The following TBC1D1 variants were observed in gnomAD, a reference collection of about 807,000 sequenced individuals.
TBC1D1 encodes TBC1 domain family member 1, also known as TBC1 (tre-2/USP6, BUB2, cdc16) domain family, member 1.
Under a neutral mutation model 125.6 loss-of-function variants are expected in TBC1D1, and 89 were observed. The observed-to-expected ratio is 0.71, with a 90% CI of 0.60 to 0.85. The LOEUF (loss-of-function observed/expected upper bound fraction) is 0.85. Among genes scored for constraint, TBC1D1 ranks in the 40% least tolerant of loss-of-function variants. The pLI is 0.00. For missense variants in TBC1D1, 1,377 were observed against 1,469.2 expected (o/e 0.94, Z 1.03); for synonymous variants, 565 against 564.1 (o/e 1.00, Z -0.02).
At position 38,006,680 on chromosome 4, in the gene TBC1D1, C is replaced by T. The variant is rs191577829; in HGVS notation, c.418-7829C>T. On this transcript the variant is annotated intron_variant, in intron 2 of 19. Coordinates refer to ENST00000261439, the MANE Select transcript of TBC1D1 (RefSeq NM_015173.4). ...ATTTTTAGTAGAGATGGGGTTTCAC[C>T]ATGTTAGCCAGGATGGGCTCAATCT... 679 of 269,552 alleles carry T rather than the reference C, an allele frequency of 2.5e-3. 6 individuals are homozygous for T. Among genetic ancestry groups the T allele is most frequent in the African/African-American group, 0.012 (524 of 43,540 alleles). 16.7% of individuals were successfully genotyped at this position (269,552 alleles called of 1,614,324 possible).
Position 38,118,465 on chromosome 4 carries a change from A to G in TBC1D1, c.2962+273A>G, listed in dbSNP as rs1365449870. On this transcript the variant is annotated intron_variant, in intron 17 of 19. Coordinates refer to ENST00000261439, the MANE Select transcript of TBC1D1 (RefSeq NM_015173.4). ...GATCGCTCACCATGAGGGTCTCCCT[A>G]GAGCAGACATTTGGAGGACTTGGCT... The G allele has an allele frequency of 1.9e-5, 7 of 372,206 alleles. No homozygotes were observed. The East Asian group carries it at 3.5e-4, about 18-fold the overall frequency. 23.1% of individuals were successfully genotyped at this position (372,206 alleles called of 1,614,324 possible).
At chr4:37,914,568 C>T (rs1037292302) in intron 2 of TBC1D1, among the ~76,000 whole-genome samples, 2 of 152,180 alleles carry the variant, frequency 1.3e-5, no homozygotes, top group Non-Finnish European at 2.9e-5. Context: ...TGTTTCTGTT[C>T]CTGCTTATTC....
At chr4:38,111,519 A>G (rs747474467) in intron 15 of TBC1D1, among the ~76,000 whole-genome samples, 6 of 152,278 alleles carry the variant, frequency 3.9e-5, no homozygotes, top group Non-Finnish European at 8.8e-5. Flanking sequence ...TTTCCAAAAT[A>G]AAATTAGTTA....
chr4:38,098,462 G>A (rs931787326), intron 14 of TBC1D1, among the ~76,000 whole-genome samples: 2 of 152,182 alleles, frequency 1.3e-5, no homozygotes, highest in Non-Finnish European at 2.9e-5. Context: ...TTTTGTGGGG[G>A]CTAATAGAAA....
At chr4:37,960,870 C>G in intron 2 of TBC1D1, 2 of 1,614,174 alleles carry the variant, frequency 1.2e-6, no homozygotes, top group Non-Finnish European at 1.7e-6. Context: ...TGGAGTGCCT[C>G]TCATGATCCT....
chr4:37,971,810 C>T (rs1490439692), intron 2 of TBC1D1, among the ~76,000 whole-genome samples: 1 of 152,188 alleles, frequency 6.6e-6, no homozygotes, highest in African/African-American at 2.4e-5. Flanking sequence ...TATGGGTCAA[C>T]ACCAATAATG....
At position 37,902,389 on chromosome 4, in the gene TBC1D1, T is replaced by G; in HGVS notation, c.294T>G (p.Pro98=). ...ATTCCAGCATCTTTGAGTGCAAGCC[T>G]CAGCGTGTTCACAAACTGATTCACA... Residue 98 remains proline, a synonymous_variant, in exon 2 of 20, where the codon CCT becomes CCG. Coordinates refer to ENST00000261439, the MANE Select transcript of TBC1D1 (RefSeq NM_015173.4). The G allele has an allele frequency of 6.2e-7, 1 of 1,614,200 alleles. No individual in the cohort carries two copies. Among genetic ancestry groups the G allele is most frequent in the Non-Finnish European group, 8.5e-7 (1 of 1,180,028 alleles).
At chr4:37,929,281 G>A (rs1164118690) in intron 2 of TBC1D1, among the ~76,000 whole-genome samples, 5 of 152,172 alleles carry the variant, frequency 3.3e-5, no homozygotes, top group Non-Finnish European at 4.4e-5. Context: ...TATAAGATAT[G>A]ACAATGTACT....
At chr4:38,031,941 A>G (rs1746230651) in intron 7 of TBC1D1, among the ~76,000 whole-genome samples, 1 of 152,272 alleles carries the variant, frequency 6.6e-6, no homozygotes, top group African/African-American at 2.4e-5. Context: ...ATGCATATAG[A>G]AAAGCAAACA....
At chr4:37,940,860 C>T (rs548140307) in intron 2 of TBC1D1, among the ~76,000 whole-genome samples, 1 of 152,262 alleles carries the variant, frequency 6.6e-6, no homozygotes, top group East Asian at 1.9e-4. Context: ...AGCCTTGAAT[C>T]CCAGGGATGA....
At chr4:38,099,626 G>A (rs946372573) in intron 14 of TBC1D1, among the ~76,000 whole-genome samples, 2 of 152,170 alleles carry the variant, frequency 1.3e-5, no homozygotes, top group Non-Finnish European at 2.9e-5. Context: ...AACAGTGAGT[G>A]TATATTATTT....
At chr4:38,099,344 C>T (rs1368563620) in intron 14 of TBC1D1, among the ~76,000 whole-genome samples, 1 of 152,254 alleles carries the variant, frequency 6.6e-6, no homozygotes, top group East Asian at 1.9e-4. Flanking sequence ...AGCATGGTCT[C>T]CTGTACTGTT....
chr4:38,132,189 T>G (rs1765697248), intron 18 of TBC1D1, among the ~76,000 whole-genome samples: 2 of 152,126 alleles, frequency 1.3e-5, no homozygotes, highest in South Asian at 4.1e-4. Context: ...AGCAGGGTTT[T>G]TTTTTTTTTT....
intron 8 of TBC1D1, among the ~76,000 whole-genome samples, chr4:38,040,517 G>T (rs1390430164): frequency 2.6e-5 from 4 of 152,154 alleles, no homozygotes. Context: ...TCCGTCTCTT[G>T]TCCTCGTGAT....
rs543543074 is a variant in TBC1D1 at position 37,983,101 on chromosome 4, A to C, written c.418-31408A>C. Among the ~76,000 whole-genome samples the C allele has an allele frequency of 1.4e-4, 21 of 150,638 alleles. No homozygotes were observed. The South Asian group carries it at 4.2e-3, about 30-fold the overall frequency. ...GCAGTGAAGACCCATTAGGGGCCAA[A>C]GATGATCTTTCCCCAAACTCTTTTT... On this transcript the variant is annotated intron_variant, in intron 2 of 19. Coordinates refer to ENST00000261439, the MANE Select transcript of TBC1D1 (RefSeq NM_015173.4).
chr4:38,052,728 G>GCACACACACACACA (rs56153191), intron 11 of TBC1D1, among the ~76,000 whole-genome samples: 2,207 of 118,192 alleles, frequency 0.019, 23 homozygotes, highest in Middle Eastern at 0.037. Flanking sequence ...GCGCGCGCGC[G>GCACACACACACACA]CACACACACA....
rs551312520 is a variant in TBC1D1 at position 38,138,783 on chromosome 4, C to A, written c.*1448C>A. ...GAGTTTCTTTTGATTCTCTCAGTTG[C>A]GGGGGGCATCTCTTAATCCTGGGGT... On this transcript the variant is annotated 3_prime_UTR_variant, in exon 20 of 20. Transcript: ENST00000261439. 1 of 152,130 alleles carries A rather than the reference C, an allele frequency of 6.6e-6. No homozygotes were observed. 9.4% of individuals were successfully genotyped at this position (152,130 alleles called of 1,614,324 possible).
intron 10 of TBC1D1, among the ~76,000 whole-genome samples, chr4:38,048,231 C>A (rs10014216): frequency 0.066 from 10,099 of 152,096 alleles, 1,130 homozygotes; most frequent in African/African-American, 0.23. Context: ...ACCAAATAGC[C>A]CTGAAACTTG....
In TBC1D1 at chr4:38,014,776, C is replaced by G; in HGVS notation, c.685C>G (p.Arg229Gly). ...GCCCACAGGGAGCCAGGAGCCTGTG[C>G]GCAGGCCCATGCGCAAGTCCTTCTC... The change falls in exon 3 of 20, where the codon CGC (arginine) becomes GGC (glycine). Residue 229 changes from arginine to glycine, a missense_variant. Coordinates refer to ENST00000261439, the MANE Select transcript of TBC1D1 (RefSeq NM_015173.4). The surrounding 1 kb of genome is among the most constrained non-coding windows in gnomAD (Gnocchi z 5.1). 1 of 1,365,988 alleles carries G rather than the reference C, an allele frequency of 7.3e-7. No homozygotes were observed. Among genetic ancestry groups the G allele is most frequent in the Non-Finnish European group, 9.8e-7 (1 of 1,022,794 alleles). The allele number at this position is 1,365,988 out of a possible 1,614,324, so 84.6% of individuals were successfully genotyped here. A position where few individuals can be genotyped will look rare whatever the true frequency, so the allele number is the denominator to read the frequency against.
Sources: gnomAD v4.1 joint callset for allele counts (sites outside exome capture counted in the v4.1 genomes callset) on GRCh38, gnomAD v4.1.1 for gene constraint, Gnocchi (gnomAD v3.1) non-coding constraint, MANE v1.5 for transcripts, NCBI Gene and HGNC (gene_info 2026-07-23, HGNC 2026-07-21) for gene names.